The following A1CF variants were observed in gnomAD, a reference collection of about 807,000 sequenced individuals.
A1CF encodes APOBEC1 complementation factor, also known as APOBEC-1 stimulating protein.
In A1CF, 48 loss-of-function variants were observed where a neutral mutation model predicts 68.9. That is an observed-to-expected ratio of 0.70 (90% CI 0.55 to 0.89). The LOEUF (loss-of-function observed/expected upper bound fraction) is 0.89, where lower values mean the gene tolerates loss of function less well. Ranked by LOEUF, A1CF falls within the 40% of genes least tolerant of loss-of-function variation. The probability of loss-of-function intolerance (pLI) is 0.00; values close to 1 mark genes in which losing one functional copy is unlikely to be tolerated. For synonymous variants in A1CF, 272 were observed against 260.4 expected (o/e 1.04, Z -0.43); for missense variants, 653 against 718.9 (o/e 0.91, Z 1.05).
rs762801846 is a variant in A1CF at position 50,810,014 on chromosome 10, C to A, written c.1489G>T (p.Ala497Ser). ...TACGTCTTTGCTTCATCCACAAAGGCACTCAGCTTTGGAGGTGTGAAAGGG... is the reference window on the plus strand; with the variant it reads ...TACGTCTTTGCTTCATCCACAAAGGAACTCAGCTTTGGAGGTGTGAAAGGG... ...IHPFTPPKLS[A>S]FVDEAKTYAA... Residue 497 changes from alanine (A) to serine (S), a missense_variant, in exon 12 of 13, where the codon GCC becomes TCC. By Grantham distance (99) the Ala-to-Ser change is moderately conservative. Transcript: ENST00000373997. The A allele has an allele frequency of 5.0e-6, 8 of 1,613,944 alleles. No individual in the cohort carries two copies. The highest frequency in any genetic ancestry group is 6.8e-6 in the Non-Finnish European group (8 of 1,179,908).
intron 3 of A1CF, chr10:50,850,803 A>C: frequency 6.2e-7 from 1 of 1,609,324 alleles, no homozygotes; most frequent in Non-Finnish European, 8.5e-7. Context: ...GGAACCTCTA[A>C]ATTCCTTTCA....
chr10:50,817,675 G>A (rs1316151296), intron 8 of A1CF, among the ~76,000 whole-genome samples: 1 of 152,192 alleles, frequency 6.6e-6, no homozygotes, highest in African/African-American at 2.4e-5. Flanking sequence ...TGAGGAAGAT[G>A]AGAGACCCAA....
chr10:50,885,126 T>C (rs916335940), intron 1 of A1CF, among the ~76,000 whole-genome samples: 4 of 152,214 alleles, frequency 2.6e-5, no homozygotes, highest in Admixed American at 2.6e-4. Flanking sequence ...CTGGAGATAA[T>C]TGAATATATG....
intron 1 of A1CF, among the ~76,000 whole-genome samples, chr10:50,874,076 C>T (rs1305055245): frequency 6.6e-6 from 1 of 152,022 alleles, no homozygotes; most frequent in East Asian, 1.9e-4. Context: ...GGCATATTTT[C>T]TCAATTTTTA....
rs1222716010 is a variant in A1CF, at chr10:50,804,198, T to G, written c.*2531A>C. The G allele has an allele frequency of 6.6e-6, 1 of 152,204 alleles. No individual in the cohort carries two copies. Among genetic ancestry groups the G allele is most frequent in the African/African-American group, 2.4e-5 (1 of 41,460 alleles). 9.4% of individuals were successfully genotyped at this position (152,204 alleles called of 1,614,324 possible). ...ACTGGCTCTAAAGAGGTAAATGGTG[T>G]GATAACTTGAGATGGTGTTCCAGTG... On this transcript the variant is annotated 3_prime_UTR_variant, in exon 13 of 13. Transcript: ENST00000373997.
At chr10:50,831,931 T>C (rs1839266444) in intron 6 of A1CF, among the ~76,000 whole-genome samples, 1 of 152,050 alleles carries the variant, frequency 6.6e-6, no homozygotes. Flanking sequence ...TGGCAAGGAT[T>C]TGGAGAAATG....
chr10:50,843,726 CAGTGGAA>C (rs1394687269), intron 4 of A1CF, among the ~76,000 whole-genome samples: 1 of 152,102 alleles, frequency 6.6e-6, no homozygotes. Context: ...GATGGCATGA[CAGTGGAA>C]AGATTGGGGA....
chr10:50,852,155 T>A (rs1055993142), intron 3 of A1CF, among the ~76,000 whole-genome samples: 1 of 152,228 alleles, frequency 6.6e-6, no homozygotes, highest in African/African-American at 2.4e-5. Context: ...ATAGAAAAAG[T>A]CTGTGCTTCT....
rs186253502 is a variant in A1CF at position 50,801,093 on chromosome 10, A to C, written c.*5636T>G. 6.6e-6 allele frequency: 1 copy of C among 152,344 alleles called. No individual in the cohort carries two copies. The highest frequency in any genetic ancestry group is 2.4e-5 in the African/African-American group (1 of 41,448). 9.4% of individuals were successfully genotyped at this position (152,344 alleles called of 1,614,324 possible). On this transcript the variant is annotated 3_prime_UTR_variant, in exon 13 of 13. Transcript: ENST00000373997. ...TTGCCCCACCACCTAACCTGGCATA[A>C]TAATGACTAGCTTGCTCTGCCATAT...
chr10:50,827,793 A>G (rs960137794), intron 7 of A1CF, among the ~76,000 whole-genome samples: 5 of 152,210 alleles, frequency 3.3e-5, no homozygotes, highest in Non-Finnish European at 4.4e-5. Flanking sequence ...AGATCAGAGC[A>G]GAACTGAATG....
intron 8 of A1CF, among the ~76,000 whole-genome samples, chr10:50,816,669 A>T (rs2132339822): frequency 6.6e-6 from 1 of 152,330 alleles, no homozygotes; most frequent in Admixed American, 6.5e-5. Context: ...GATGGTATAA[A>T]ATCTCCATTA....
At chr10:50,826,581 T>C (rs1022846010) in intron 7 of A1CF, among the ~76,000 whole-genome samples, 1 of 152,134 alleles carries the variant, frequency 6.6e-6, no homozygotes, top group Admixed American at 6.6e-5. Context: ...AAGCAAATTC[T>C]GAGAGATTTT....
intron 9 of A1CF, among the ~76,000 whole-genome samples, 156 bp downstream of exon 9, chr10:50,815,850 T>TACATTACATTCCTAATGTAAAAAAG: frequency 6.6e-6 from 1 of 152,372 alleles, no homozygotes; most frequent in East Asian, 1.9e-4. Context: ...AAAAGATTCC[T>TACATTACATTCCTAATGTAAAAAAG]ATTAAAGGAA....
At position 50,816,244 on chromosome 10, in the gene A1CF, T is replaced by C; in HGVS notation, c.903A>G (p.Ala301=). Residue 301 remains alanine, a synonymous_variant, in exon 9 of 13, where the codon GCA becomes GCG. Transcript: ENST00000373997. The stretch of plus-strand genomic sequence containing the variant: ...CATAACTGTCCTTGTCCACTGGTTT[T>C]GCTAGGGTGACTTCAATGGGGGAAC... ...LDGSPIEVTL[A]KPVDKDSYVR... 1 of 1,613,490 alleles carries C rather than the reference T, an allele frequency of 6.2e-7. No homozygotes were observed. Among genetic ancestry groups the C allele is most frequent in the Non-Finnish European group, 8.5e-7 (1 of 1,179,664 alleles).
chr10:50,827,330 A>T (rs535336374), intron 7 of A1CF, among the ~76,000 whole-genome samples: 1 of 152,358 alleles, frequency 6.6e-6, no homozygotes, highest in African/African-American at 2.4e-5. Flanking sequence ...CAGAATATAC[A>T]TTCTTCTCAG....
At chr10:50,808,404 A>T (rs532698708) in intron 12 of A1CF, among the ~76,000 whole-genome samples, 27 of 152,352 alleles carry the variant, frequency 1.8e-4, no homozygotes, top group African/African-American at 6.5e-4. Flanking sequence ...TGTGAAAGCA[A>T]ACTTTAAAAT....
At chr10:50,872,398 A>G (rs1841310177) in intron 1 of A1CF, among the ~76,000 whole-genome samples, 1 of 152,146 alleles carries the variant, frequency 6.6e-6, no homozygotes, top group African/African-American at 2.4e-5. Flanking sequence ...AAAGTGCCCA[A>G]GGTTACACTG....
At chr10:50,857,364 C>T (rs1404086421) in intron 3 of A1CF, among the ~76,000 whole-genome samples, 1 of 152,150 alleles carries the variant, frequency 6.6e-6, no homozygotes, top group Non-Finnish European at 1.5e-5. Flanking sequence ...TTATCATTAA[C>T]TCTAGCCTCT....
intron 6 of A1CF, among the ~76,000 whole-genome samples, chr10:50,829,091 A>G (rs78803224): frequency 0.016 from 2,504 of 152,262 alleles, 71 homozygotes; most frequent in African/African-American, 0.056. Flanking sequence ...CCCATGTGCC[A>G]TCTCAGTTAC....
Sources: allele counts gnomAD v4.1 joint callset (sites outside exome capture counted in the v4.1 genomes callset), GRCh38; gene constraint gnomAD v4.1.1; transcripts MANE v1.5; gene names NCBI Gene and HGNC (gene_info 2026-07-23, HGNC 2026-07-21).